Variants in CACHD1 observed in about 807,000 individuals in gnomAD.
CACHD1 encodes VWFA and cache domain-containing protein 1.
Under a neutral mutation model 138.7 loss-of-function variants are expected in CACHD1, and 71 were observed. That is an observed-to-expected ratio of 0.51 (90% CI 0.42 to 0.62). The LOEUF (loss-of-function observed/expected upper bound fraction) is 0.62. CACHD1 is among the 20% of genes least tolerant of loss of function. The probability of loss-of-function intolerance (pLI) is 0.00; values close to 1 mark genes in which losing one functional copy is unlikely to be tolerated. For synonymous variants in CACHD1, 578 were observed against 591.5 expected (o/e 0.98, Z 0.33); for missense variants, 1,389 against 1,625.3 (o/e 0.85, Z 2.50).
At chr1:64,564,362 C>G (rs953686336) in intron 2 of CACHD1, among the ~76,000 whole-genome samples, 1 of 152,034 alleles carries the variant, frequency 6.6e-6, no homozygotes, top group Non-Finnish European at 1.5e-5. Context: ...TTCCCCTCAC[C>G]CTCCCATAAC....
At chr1:64,671,814 C>T (rs752715615) in intron 17 of CACHD1, 128 bp downstream of exon 17, 2 of 1,142,386 alleles carry the variant, frequency 1.8e-6, no homozygotes, top group Non-Finnish European at 2.5e-6. Context: ...CCTGGGTGTC[C>T]TATTAAGAAG....
At chr1:64,481,499 C>A (rs776299761) in intron 1 of CACHD1, among the ~76,000 whole-genome samples, 7 of 152,196 alleles carry the variant, frequency 4.6e-5, no homozygotes, top group Non-Finnish European at 7.3e-5. Context: ...TGACATTTTA[C>A]TTCAAACGCA....
chr1:64,506,756 A>G (rs868631340), intron 1 of CACHD1, among the ~76,000 whole-genome samples: 4 of 152,220 alleles, frequency 2.6e-5, no homozygotes, highest in African/African-American at 4.8e-5. Flanking sequence ...TTTAGAGAAG[A>G]TGTTCAAAGA....
At chr1:64,659,235 C>G (rs1027178836) in intron 13 of CACHD1, among the ~76,000 whole-genome samples, 3 of 152,204 alleles carry the variant, frequency 2.0e-5, no homozygotes, top group Non-Finnish European at 4.4e-5. Flanking sequence ...ATAGAGTTTG[C>G]CCAGACTCTA....
chr1:64,600,652 T>C (rs1163923798), intron 3 of CACHD1, among the ~76,000 whole-genome samples: 1 of 152,178 alleles, frequency 6.6e-6, no homozygotes, highest in Non-Finnish European at 1.5e-5. Flanking sequence ...ACATGGTGCT[T>C]CCCTTCATGG....
chr1:64,477,662 C>G (rs1419958146), intron 1 of CACHD1, among the ~76,000 whole-genome samples: 2 of 146,182 alleles, frequency 1.4e-5, no homozygotes, highest in African/African-American at 5.3e-5. Context: ...GAGTCTCGCT[C>G]TGTCGCCCAG....
chr1:64,475,708 G>A (rs56132789), intron 1 of CACHD1, among the ~76,000 whole-genome samples: 7,991 of 151,948 alleles, frequency 0.053, 314 homozygotes, highest in Admixed American at 0.13. Context: ...CACGACACCC[G>A]GCTAATTTTT....
chr1:64,529,296 G>A (rs1377547848), intron 1 of CACHD1, among the ~76,000 whole-genome samples: 6 of 151,830 alleles, frequency 4.0e-5, no homozygotes, highest in Non-Finnish European at 5.9e-5. Flanking sequence ...TCTTTCTTGC[G>A]TCTTTCATTT....
rs1157501898 is a variant in CACHD1 at position 64,470,144 on chromosome 1, A to G, written c.-601A>G. On this transcript the variant is annotated 5_prime_UTR_variant, in exon 1 of 27. Transcript: ENST00000651257. The surrounding 1 kb of genome is among the most constrained non-coding windows in gnomAD (Gnocchi z 5.2). ...GCGGCGGCCCAGCCGGGAAGTGCAC[A>G]GAGCCGGAGCGCAGCGTGGTGGCAC... Among the ~76,000 whole-genome samples the G allele has an allele frequency of 6.6e-6, 1 of 151,942 alleles. No homozygotes were observed. The highest frequency in any genetic ancestry group is 2.4e-5 in the African/African-American group (1 of 41,404).
intron 1 of CACHD1, among the ~76,000 whole-genome samples, chr1:64,535,194 C>G (rs1442922523): frequency 1.3e-5 from 2 of 152,094 alleles, no homozygotes; most frequent in Non-Finnish European, 2.9e-5. Flanking sequence ...CCTTTTGCCC[C>G]CTCTAAGTGG....
chr1:64,629,566 G>A, intron 5 of CACHD1, 85 bp downstream of exon 5: 1 of 1,461,102 alleles, frequency 6.8e-7, no homozygotes, highest in Non-Finnish European at 9.3e-7. Flanking sequence ...TCTACTCATG[G>A]CTATGCCTTT....
intron 1 of CACHD1, chr1:64,506,403 C>G (rs1408883389): frequency 6.6e-6 from 1 of 152,184 alleles, no homozygotes; most frequent in Admixed American, 6.5e-5. Context: ...TCAACGACGG[C>G]CTATTGAATG....
intron 2 of CACHD1, among the ~76,000 whole-genome samples, chr1:64,579,003 G>A (rs1035812346): frequency 1.3e-5 from 2 of 152,130 alleles, no homozygotes; most frequent in Admixed American, 1.3e-4. Context: ...TAGGATTATG[G>A]CACCACACTG....
At chr1:64,500,783 C>T (rs897706769) in intron 1 of CACHD1, among the ~76,000 whole-genome samples, 3 of 148,626 alleles carry the variant, frequency 2.0e-5, no homozygotes, top group Non-Finnish European at 3.0e-5. Context: ...CGCGGTGGCT[C>T]ATGCCTGTAA....
chr1:64,634,891 G>A (rs1207314225), intron 7 of CACHD1, among the ~76,000 whole-genome samples: 1 of 149,840 alleles, frequency 6.7e-6, no homozygotes, highest in African/African-American at 2.5e-5. Flanking sequence ...AGCTCCTCGG[G>A]AGGCTGAGGC....
chr1:64,609,310 C>T (rs1288153222), intron 4 of CACHD1, among the ~76,000 whole-genome samples: 5 of 152,196 alleles, frequency 3.3e-5, no homozygotes, highest in African/African-American at 9.6e-5. Flanking sequence ...AGAAATTTCT[C>T]ATTCCTTTTT....
intron 15 of CACHD1, 45 bp downstream of exon 15, chr1:64,664,724 C>G: frequency 6.4e-6 from 10 of 1,573,786 alleles, no homozygotes; most frequent in Non-Finnish European, 8.7e-6. Flanking sequence ...CCCCCAAATC[C>G]TGGAGAGACA....
At chr1:64,643,075 A>G (rs1046962753) in intron 8 of CACHD1, among the ~76,000 whole-genome samples, 2 of 124,564 alleles carry the variant, frequency 1.6e-5, no homozygotes, top group Admixed American at 9.0e-5. Flanking sequence ...AAAAAAAGCC[A>G]TGTCTTGATC....
chr1:64,565,808 A>G (rs753195624), intron 2 of CACHD1, among the ~76,000 whole-genome samples: 7 of 152,328 alleles, frequency 4.6e-5, no homozygotes, highest in African/African-American at 7.2e-5. Context: ...GGAGTAAACT[A>G]TTTCAGAGAG....
Sources: allele counts gnomAD v4.1 joint callset (sites outside exome capture counted in the v4.1 genomes callset), GRCh38; gene constraint gnomAD v4.1.1; non-coding constraint Gnocchi (gnomAD v3.1); transcripts MANE v1.5; gene names NCBI Gene and HGNC (gene_info 2026-07-23, HGNC 2026-07-21).